Variants in FAM184A observed in about 807,000 individuals in gnomAD.
FAM184A encodes the protein family with sequence similarity 184 member A, also known as protein FAM184A.
FAM184A carries 99 observed loss-of-function variants against 143.8 expected under a neutral mutation model. The observed-to-expected ratio is 0.69, with a 90% CI of 0.58 to 0.81. The LOEUF is 0.81. FAM184A is among the 40% of genes least tolerant of loss of function. The probability of loss-of-function intolerance (pLI) is 0.00; values close to 1 mark genes in which losing one functional copy is unlikely to be tolerated. For synonymous variants in FAM184A, 427 were observed against 446.4 expected, an observed-to-expected ratio of 0.96 and a Z score of 0.55; for missense variants, 1,217 against 1,310.5, an observed-to-expected ratio of 0.93 and a Z score of 1.10.
chr6:119,011,079 T>A (rs1785073873), intron 6 of FAM184A: 3 of 385,930 alleles, frequency 7.8e-6, no homozygotes, highest in Non-Finnish European at 4.6e-6. Context: ...GATATTCTGT[T>A]TTGCTTCTCC....
At chr6:119,017,547 C>G (rs1373888194) in intron 4 of FAM184A, among the ~76,000 whole-genome samples, 1 of 151,124 alleles carries the variant, frequency 6.6e-6, no homozygotes, top group Non-Finnish European at 1.5e-5. Context: ...AAATAGTACA[C>G]AAAATGGCTT....
chr6:119,132,033 A>G (rs1789547208), intron 1 of FAM184A, among the ~76,000 whole-genome samples: 1 of 152,192 alleles, frequency 6.6e-6, no homozygotes, highest in South Asian at 2.1e-4. Flanking sequence ...ATAAAATTCC[A>G]TTTCTAGCTA....
At chr6:119,117,591 G>T (rs1789093558) in intron 1 of FAM184A, among the ~76,000 whole-genome samples, 1 of 152,180 alleles carries the variant, frequency 6.6e-6, no homozygotes, top group African/African-American at 2.4e-5. Context: ...CGACTCAGAG[G>T]TAAGACCTGC....
At chr6:119,089,779 A>G (rs1788323040) in intron 1 of FAM184A, among the ~76,000 whole-genome samples, 2 of 152,198 alleles carry the variant, frequency 1.3e-5, no homozygotes, top group Non-Finnish European at 2.9e-5. Context: ...ATGGCTGCAT[A>G]TTGGTAAACA....
At chr6:119,118,794 A>G (rs898871280) in intron 1 of FAM184A, among the ~76,000 whole-genome samples, 4 of 152,164 alleles carry the variant, frequency 2.6e-5, no homozygotes, top group African/African-American at 9.7e-5. Context: ...TCTGAACAAT[A>G]TGAAATCTGG....
intron 1 of FAM184A, among the ~76,000 whole-genome samples, chr6:119,067,882 G>A (rs1370016659): frequency 2.6e-5 from 4 of 152,130 alleles, no homozygotes; most frequent in Non-Finnish European, 4.4e-5. Flanking sequence ...TGAGGTGGAA[G>A]GATCACTTGA....
At position 119,042,034 on chromosome 6, in the gene FAM184A, C is replaced by T. The variant is rs1430569563; in HGVS notation, c.160-17221G>A. The stretch of plus-strand genomic sequence containing the variant: ...TGGGAGCTCTGGGAACAAGGACCCC[C>T]TGGTAACAGGACCAAGGGTACCCGT... On this transcript the variant is annotated intron_variant, in intron 1 of 17. Transcript: ENST00000338891. Among the ~76,000 whole-genome samples the T allele has an allele frequency of 1.3e-5, 2 of 152,146 alleles. 1 individual carries two copies. The highest frequency in any genetic ancestry group is 4.1e-4 in the South Asian group (2 of 4,832).
At chr6:119,142,961 C>T (rs930160969) in intron 1 of FAM184A, among the ~76,000 whole-genome samples, 6 of 151,992 alleles carry the variant, frequency 3.9e-5, no homozygotes, top group African/African-American at 1.2e-4. Context: ...CAAACAATGG[C>T]GATATATAGC....
At chr6:118,994,927 T>G (rs559231680) in intron 9 of FAM184A, among the ~76,000 whole-genome samples, 2 of 152,180 alleles carry the variant, frequency 1.3e-5, no homozygotes, top group African/African-American at 4.8e-5. Context: ...ATATTACACA[T>G]GCATATATCC....
chr6:119,065,462 T>G (rs1456486622), intron 1 of FAM184A, among the ~76,000 whole-genome samples: 1 of 152,212 alleles, frequency 6.6e-6, no homozygotes, highest in African/African-American at 2.4e-5. Context: ...TAATAAACAC[T>G]TGCTGTTTTA....
At chr6:119,105,013 A>G (rs1235240098) in intron 1 of FAM184A, among the ~76,000 whole-genome samples, 1 of 152,202 alleles carries the variant, frequency 6.6e-6, no homozygotes, top group African/African-American at 2.4e-5. Context: ...ACTGGCCAGT[A>G]CTACTCAAAA....
intron 1 of FAM184A, among the ~76,000 whole-genome samples, chr6:119,044,305 C>T (rs989199317): frequency 3.3e-5 from 5 of 152,138 alleles, no homozygotes; most frequent in African/African-American, 1.2e-4. Flanking sequence ...AGCTAATAAA[C>T]GAATTCAGCA....
intron 1 of FAM184A, among the ~76,000 whole-genome samples, chr6:119,050,691 G>T (rs1786723731): frequency 6.6e-6 from 1 of 152,038 alleles, no homozygotes; most frequent in Non-Finnish European, 1.5e-5. Flanking sequence ...TGTAGTCCCA[G>T]CTACTCGGGA....
chr6:119,128,056 C>G (rs1789421206), intron 1 of FAM184A, among the ~76,000 whole-genome samples: 1 of 152,154 alleles, frequency 6.6e-6, no homozygotes, highest in Non-Finnish European at 1.5e-5. Flanking sequence ...CCAGACATGC[C>G]TCCTTATAAC....
chr6:119,032,512 G>GAGAGGA (rs1282139092), intron 1 of FAM184A, among the ~76,000 whole-genome samples: 2 of 147,612 alleles, frequency 1.4e-5, no homozygotes, highest in Non-Finnish European at 3.0e-5. Flanking sequence ...AGGGAAGAGG[G>GAGAGGA]AGAGGAAGAG....
chr6:119,119,473 G>A (rs952404389), intron 1 of FAM184A, among the ~76,000 whole-genome samples: 20 of 152,066 alleles, frequency 1.3e-4, no homozygotes, highest in Admixed American at 1.2e-3. Flanking sequence ...TTCTCAAACC[G>A]GCCAGTGCTT....
At chr6:119,081,692 A>G (rs537735194), upstream of FAM184A, among the ~76,000 whole-genome samples, 14 of 152,224 alleles carry the variant, frequency 9.2e-5, no homozygotes, top group Non-Finnish European at 1.6e-4. Context: ...TGGGGTAGCC[A>G]GAAGGGAGAT....
intron 1 of FAM184A, among the ~76,000 whole-genome samples, chr6:119,042,545 A>G (rs1316707181): frequency 6.6e-6 from 1 of 152,170 alleles, no homozygotes; most frequent in Non-Finnish European, 1.5e-5. Flanking sequence ...GTGGACCCAT[A>G]TGGATTCACC....
chr6:119,131,198 A>G (rs73520221), intron 1 of FAM184A, among the ~76,000 whole-genome samples: 1,529 of 152,294 alleles, frequency 0.01, 30 homozygotes, highest in African/African-American at 0.035. Context: ...TCCTAAATCA[A>G]AGGTGGAAGG....
Sources: gnomAD v4.1 joint callset for allele counts (sites outside exome capture counted in the v4.1 genomes callset) on GRCh38, gnomAD v4.1.1 for gene constraint, MANE v1.5 for transcripts, NCBI Gene and HGNC (gene_info 2026-07-23, HGNC 2026-07-21) for gene names.